Variants in KAZN observed in about 807,000 individuals in gnomAD.
KAZN encodes the protein kazrin.
A neutral mutation model predicts 87.4 loss-of-function variants in KAZN; 40 were observed. The ratio of observed to expected loss-of-function variants is 0.46; its 90% CI spans 0.36 to 0.60. KAZN has a LOEUF of 0.60. Among genes scored for constraint, KAZN ranks in the 20% least tolerant of loss-of-function variants. The pLI, the probability that KAZN is intolerant of heterozygous loss-of-function variation, is 0.00. For missense variants in KAZN, 898 were observed against 1,073.9 expected, an observed-to-expected ratio of 0.84 and a Z score of 2.29; for synonymous variants, 466 against 458.3, an observed-to-expected ratio of 1.02 and a Z score of -0.22.
chr1:14,971,572 A>G (rs1665030446), intron 2 of KAZN, among the ~76,000 whole-genome samples: 1 of 151,998 alleles, frequency 6.6e-6, no homozygotes, highest in Non-Finnish European at 1.5e-5. Context: ...AAAGAGGAAA[A>G]GAGTGAAATA....
At chr1:14,383,816 T>C (rs1029546590) in intron 2 of KAZN, among the ~76,000 whole-genome samples, 9 of 152,140 alleles carry the variant, frequency 5.9e-5, no homozygotes, top group African/African-American at 2.2e-4. Context: ...TTTGATTCCA[T>C]ATGAACTTTA....
Position 14,968,298 on chromosome 1 carries a change from G to GCTGAT in KAZN, c.418+7425_418+7429dup, listed in dbSNP as rs554924418. The stretch of plus-strand genomic sequence containing the variant: ...CCTATGAGAGTCTAATGCCATCGCT[G>GCTGAT]CTGATCAGACAGGAGGTGGAGCTCC... On this transcript the variant is annotated intron_variant, in intron 2 of 14. Coordinates refer to ENST00000376030, the MANE Select transcript of KAZN (RefSeq NM_201628.3). Among the ~76,000 whole-genome samples, 28 of 152,250 alleles carry GCTGAT rather than the reference G, an allele frequency of 1.8e-4. No homozygotes were observed. In the South Asian group the frequency reaches 3.5e-3, roughly 19 times the overall value.
intron 2 of KAZN, among the ~76,000 whole-genome samples, chr1:14,479,223 G>A (rs1289519232): frequency 6.6e-6 from 1 of 152,190 alleles, no homozygotes; most frequent in Non-Finnish European, 1.5e-5. Flanking sequence ...CAGTCCAGAG[G>A]TGAGTCTGAA....
intron 2 of KAZN, among the ~76,000 whole-genome samples, chr1:14,991,555 T>C (rs906018548): frequency 2.0e-5 from 3 of 152,212 alleles, no homozygotes; most frequent in African/African-American, 7.2e-5. Flanking sequence ...TCTAGATGCC[T>C]GGGATGGCCT....
At chr1:14,118,287 A>T (rs1464205664) in intron 1 of KAZN, among the ~76,000 whole-genome samples, 1 of 152,238 alleles carries the variant, frequency 6.6e-6, no homozygotes, top group Non-Finnish European at 1.5e-5. Context: ...ATCTATCAGT[A>T]GGGGCCAAGG....
At chr1:14,943,984 G>A (rs1227157295) in intron 1 of KAZN, among the ~76,000 whole-genome samples, 1 of 152,204 alleles carries the variant, frequency 6.6e-6, no homozygotes, top group African/African-American at 2.4e-5. Context: ...TGAGGCAGGA[G>A]AATCGCTTGA....
intron 2 of KAZN, among the ~76,000 whole-genome samples, chr1:14,421,067 A>G (rs892693997): frequency 1.3e-5 from 2 of 152,242 alleles, no homozygotes; most frequent in East Asian, 3.9e-4. Flanking sequence ...GAGGGCTGCC[A>G]GCACGCTGCC....
intron 2 of KAZN, chr1:14,180,602 T>C (rs2100310589): frequency 1.9e-6 from 3 of 1,543,406 alleles, no homozygotes; most frequent in Non-Finnish European, 2.6e-6. Context: ...GGTACAAAGA[T>C]CAATACAGAA....
intron 1 of KAZN, among the ~76,000 whole-genome samples, chr1:14,043,116 C>G (rs1291380006): frequency 6.6e-6 from 1 of 152,204 alleles, no homozygotes; most frequent in Non-Finnish European, 1.5e-5. Flanking sequence ...CTACTTCTGT[C>G]TCAATAAATT....
At chr1:14,283,533 C>T (rs564655646) in intron 2 of KAZN, among the ~76,000 whole-genome samples, 1 of 152,250 alleles carries the variant, frequency 6.6e-6, no homozygotes, top group East Asian at 1.9e-4. Flanking sequence ...ATCAGCACCA[C>T]AATGAGATAC....
chr1:14,360,466 T>A (rs990692124), intron 2 of KAZN, among the ~76,000 whole-genome samples: 1 of 152,192 alleles, frequency 6.6e-6, no homozygotes. Flanking sequence ...TCATTCTCCA[T>A]CCGGTTTTGT....
intron 1 of KAZN, among the ~76,000 whole-genome samples, chr1:13,999,257 A>G (rs1284184241): frequency 1.3e-5 from 2 of 152,216 alleles, no homozygotes; most frequent in Non-Finnish European, 2.9e-5. Flanking sequence ...CTGAGACAGT[A>G]GAATCGCATG....
intron 1 of KAZN, among the ~76,000 whole-genome samples, chr1:14,153,966 A>G (rs1645534242): frequency 6.6e-6 from 1 of 152,022 alleles, no homozygotes; most frequent in South Asian, 2.1e-4. Context: ...CTTTTTGCTT[A>G]TAATAGTTTT....
Position 14,865,071 on chromosome 1 carries a change from T to C in KAZN, c.227-95613T>C, listed in dbSNP as rs115074288. Among the ~76,000 whole-genome samples, 183 of 152,114 alleles carry C rather than the reference T, an allele frequency of 1.2e-3. 1 individual carries two copies. The highest frequency in any genetic ancestry group is 4.1e-3 in the African/African-American group (172 of 41,488). On this transcript the variant is annotated intron_variant, in intron 1 of 14. Transcript: ENST00000376030. ...GAGATCTTTCCCCGTCCAAAATGGA[T>C]TGGAATGTGTGAGAGGAAGCTAGCT...
chr1:14,364,004 T>G (rs1434441712), intron 2 of KAZN, among the ~76,000 whole-genome samples: 8 of 150,938 alleles, frequency 5.3e-5, no homozygotes, highest in Admixed American at 1.3e-4. Context: ...GAGAGAGATA[T>G]AGCAGGTAAT....
intron 2 of KAZN, among the ~76,000 whole-genome samples, chr1:14,394,087 C>T (rs781159092): frequency 5.9e-5 from 9 of 152,078 alleles, no homozygotes; most frequent in African/African-American, 9.7e-5. Context: ...ATGGGCAGGA[C>T]GGAAGAAAAG....
At position 14,493,767 on chromosome 1, in the gene KAZN, G is replaced by T. The variant is rs182207983; in HGVS notation, c.250-105216G>T. 2.6e-5 allele frequency among the ~76,000 whole-genome samples: 4 copies of T among 152,260 alleles called. No homozygotes were observed. In the East Asian group the frequency reaches 7.7e-4, roughly 29 times the overall value. On this transcript the variant is annotated intron_variant, in intron 2 of 16. Transcript: ENST00000636203. ...GATTTTCTTGTTCTGCATTCTGGGA[G>T]AGCTTCTCAAATTCATACTCAGGCC...
At chr1:15,007,077 AGAAAAAC>A (rs796537147) in intron 2 of KAZN, among the ~76,000 whole-genome samples, 32 of 144,030 alleles carry the variant, frequency 2.2e-4, no homozygotes, top group South Asian at 4.6e-4. Context: ...AAAAAAAAAA[AGAAAAAC>A]AGAAAATTCC....
intron 1 of KAZN, among the ~76,000 whole-genome samples, chr1:14,755,704 C>G (rs1300816784): frequency 6.6e-6 from 1 of 152,210 alleles, no homozygotes; most frequent in African/African-American, 2.4e-5. Flanking sequence ...TGGACACCCT[C>G]TGTGCCCAGG....
Sources: gnomAD v4.1 joint callset for allele counts (sites outside exome capture counted in the v4.1 genomes callset) on GRCh38, gnomAD v4.1.1 for gene constraint, MANE v1.5 for transcripts, NCBI Gene and HGNC (gene_info 2026-07-23, HGNC 2026-07-21) for gene names.